GRIK4: variants seen among roughly 807,000 people sequenced by gnomAD.
GRIK4 encodes the protein glutamate receptor ionotropic, kainate 4.
Under a neutral mutation model 104.9 loss-of-function variants are expected in GRIK4, and 40 were observed. The ratio of observed to expected loss-of-function variants is 0.38; its 90% CI spans 0.30 to 0.50. The LOEUF is 0.50. Ranked by LOEUF, GRIK4 falls within the 20% of genes least tolerant of loss-of-function variation. GRIK4 has a pLI of 0.93. For synonymous variants in GRIK4, 485 were observed against 524.9 expected (o/e 0.92, Z 1.04); for missense variants, 1,047 against 1,308.1 (o/e 0.80, Z 3.08).
At chr11:120,864,378 CTACAGGTG>C in intron 9 of GRIK4, among the ~76,000 whole-genome samples, 1 of 151,944 alleles carries the variant, frequency 6.6e-6, no homozygotes, top group Non-Finnish European at 1.5e-5. Context: ...GTAGCTGGGA[CTACAGGTG>C]CCCGCCACCG....
intron 3 of GRIK4, among the ~76,000 whole-genome samples, chr11:120,664,551 T>C (rs1949872994): frequency 6.6e-6 from 1 of 152,178 alleles, no homozygotes; most frequent in African/African-American, 2.4e-5. Flanking sequence ...AGGGTTTAAA[T>C]AACGAACCTA....
chr11:120,861,065 G>A (rs889272878), intron 8 of GRIK4, among the ~76,000 whole-genome samples: 5 of 141,674 alleles, frequency 3.5e-5, no homozygotes, highest in Admixed American at 2.1e-4. Context: ...GATTCAGGTA[G>A]TGTTAGGTAG....
At chr11:120,688,887 T>C (rs944921759) in intron 3 of GRIK4, among the ~76,000 whole-genome samples, 5 of 152,172 alleles carry the variant, frequency 3.3e-5, no homozygotes, top group Admixed American at 3.3e-4. Context: ...AGAGGTTGTA[T>C]GTGCAGAGAG....
chr11:120,657,167 A>G (rs761262937), intron 2 of GRIK4, among the ~76,000 whole-genome samples: 2 of 152,226 alleles, frequency 1.3e-5, no homozygotes, highest in Non-Finnish European at 2.9e-5. Context: ...TTAAGGCCGT[A>G]TAATATACCA....
At chr11:120,762,300 A>T (rs915949286) in intron 3 of GRIK4, among the ~76,000 whole-genome samples, 203 of 152,344 alleles carry the variant, frequency 1.3e-3, no homozygotes, top group Non-Finnish European at 2.0e-3. Context: ...TTGTATCCTA[A>T]GACTTTGCTG....
Position 120,511,752 on chromosome 11 carries a change from T to G in GRIK4, c.-294T>G. 6.4e-6 allele frequency: 2 copies of G among 310,842 alleles called. No individual in the cohort carries two copies. The highest frequency in any genetic ancestry group is 1.6e-4 in the East Asian group (1 of 6,090). 19.3% of individuals were successfully genotyped at this position (310,842 alleles called of 1,614,324 possible). On this transcript the variant is annotated 5_prime_UTR_variant, in exon 1 of 21. Transcript: ENST00000527524. ...GGCTCGCTCGCAGCCGGACACAGAC[T>G]GCCTTCAGCTGCGGGCGGATCGGGC...
At chr11:120,784,974 G>A (rs1026039791) in intron 3 of GRIK4, among the ~76,000 whole-genome samples, 1 of 152,158 alleles carries the variant, frequency 6.6e-6, no homozygotes, top group Admixed American at 6.5e-5. Flanking sequence ...AAGCTGATCT[G>A]GGCTAGGTCT....
chr11:120,824,959 C>G (rs1240077837), intron 6 of GRIK4, among the ~76,000 whole-genome samples: 1 of 152,072 alleles, frequency 6.6e-6, no homozygotes, highest in Non-Finnish European at 1.5e-5. Flanking sequence ...GAGTCTTGCT[C>G]TGTTGCCCAG....
At chr11:120,927,586 A>AAAAAAAAAAAAAAAAAAAAG (rs1565444062) in intron 13 of GRIK4, among the ~76,000 whole-genome samples, 2 of 95,568 alleles carry the variant, frequency 2.1e-5, no homozygotes, top group Non-Finnish European at 4.2e-5. Context: ...AAAAAAAAAA[A>AAAAAAAAAAAAAAAAAAAAG]AAAGAAAGAA....
At chr11:120,531,793 C>T (rs1947926691) in intron 1 of GRIK4, among the ~76,000 whole-genome samples, 2 of 152,068 alleles carry the variant, frequency 1.3e-5, no homozygotes, top group African/African-American at 2.4e-5. Flanking sequence ...CCAGGCTGGT[C>T]TCGGACTCCT....
At chr11:120,526,146 G>A (rs976854669) in intron 1 of GRIK4, among the ~76,000 whole-genome samples, 30 of 152,132 alleles carry the variant, frequency 2.0e-4, no homozygotes, top group Non-Finnish European at 3.8e-4. Context: ...GCTCTATTTC[G>A]TGATCTGAGA....
At chr11:120,582,765 G>T (rs188283787) in intron 1 of GRIK4, among the ~76,000 whole-genome samples, 2 of 152,226 alleles carry the variant, frequency 1.3e-5, no homozygotes, top group East Asian at 3.9e-4. Flanking sequence ...CCGTTGATGG[G>T]CATTTAGGTT....
chr11:120,612,459 TG>T (rs1327419654), intron 1 of GRIK4, among the ~76,000 whole-genome samples: 3 of 151,800 alleles, frequency 2.0e-5, no homozygotes, highest in Admixed American at 6.6e-5. Context: ...AATTACTGAT[TG>T]ATTTCCTTAA....
rs372871255 is a variant in GRIK4, at chr11:120,962,632, G to T, written c.2217G>T (p.Gln739His). The change falls in exon 18 of 21, where the codon CAG becomes CAT. Residue 739 changes from glutamine to histidine, a missense_variant. By Grantham distance (24) the Gln-to-His change is conservative (BLOSUM62 0). Coordinates refer to ENST00000527524, the MANE Select transcript of GRIK4 (RefSeq NM_014619.5). Reference sequence around the variant, plus strand: ...GGCAGCGAAACTGCAACCTCACTCAGATTGGGGGCCTGCTGGACACCAAGG... The same window carrying T: ...GGCAGCGAAACTGCAACCTCACTCATATTGGGGGCCTGCTGGACACCAAGG... ...YYRQRNCNLTQIGGLLDTKGY... is the reference protein window; with the variant it reads ...YYRQRNCNLTHIGGLLDTKGY... 1.9e-6 allele frequency: 3 copies of T among 1,614,036 alleles called. No homozygotes were observed. Among genetic ancestry groups the T allele is most frequent in the African/African-American group, 2.7e-5 (2 of 74,906 alleles).
At chr11:120,619,348 G>A (rs937069122) in intron 1 of GRIK4, among the ~76,000 whole-genome samples, 9 of 152,126 alleles carry the variant, frequency 5.9e-5, no homozygotes, top group Non-Finnish European at 1.0e-4. Context: ...ACTTGTTTTT[G>A]ATTTTACAGG....
intron 4 of GRIK4, among the ~76,000 whole-genome samples, chr11:120,804,268 C>T (rs1235462573): frequency 6.6e-6 from 1 of 152,366 alleles, no homozygotes; most frequent in East Asian, 1.9e-4. Context: ...AACAAAAGAA[C>T]AACTTGCTCA....
chr11:120,936,430 T>A (rs1591304960), intron 13 of GRIK4: 1 of 246,344 alleles, frequency 4.1e-6, no homozygotes, highest in East Asian at 1.1e-4. Flanking sequence ...GAGATACGGG[T>A]TTCATTTCTC....
intron 1 of GRIK4, among the ~76,000 whole-genome samples, chr11:120,585,797 T>C (rs1388576596): frequency 1.3e-5 from 2 of 151,758 alleles, no homozygotes; most frequent in East Asian, 3.9e-4. Flanking sequence ...TTCCTCTAGA[T>C]ACGTTTTTGA....
intron 1 of GRIK4, among the ~76,000 whole-genome samples, chr11:120,519,558 T>G (rs940882257): frequency 6.6e-6 from 1 of 152,204 alleles, no homozygotes; most frequent in African/African-American, 2.4e-5. Context: ...CTTCTATTGT[T>G]TACCAGCTAC....
Sources: allele counts gnomAD v4.1 joint callset (sites outside exome capture counted in the v4.1 genomes callset), GRCh38; gene constraint gnomAD v4.1.1; transcripts MANE v1.5; gene names NCBI Gene and HGNC (gene_info 2026-07-23, HGNC 2026-07-21).